Variants in SPAG16 observed in about 807,000 individuals in gnomAD.
SPAG16 encodes sperm associated antigen 16.
A neutral mutation model predicts 80.4 loss-of-function variants in SPAG16; 86 were observed. That is an observed-to-expected ratio of 1.07 (90% CI 0.90 to 1.28). The LOEUF (loss-of-function observed/expected upper bound fraction) is 1.28, where lower values mean the gene tolerates loss of function less well. Ranked by LOEUF, SPAG16 falls within the 50% of genes most tolerant of loss-of-function variation. The probability of loss-of-function intolerance (pLI) is 0.00; values close to 1 mark genes in which losing one functional copy is unlikely to be tolerated. For missense variants in SPAG16, 870 were observed against 765.3 expected, an observed-to-expected ratio of 1.14 and a Z score of -1.61; for synonymous variants, 294 against 265.9, an observed-to-expected ratio of 1.11 and a Z score of -1.03.
chr2:214,272,365 A>T (rs973701665), intron 15 of SPAG16, among the ~76,000 whole-genome samples: 2 of 152,220 alleles, frequency 1.3e-5, no homozygotes, highest in South Asian at 4.1e-4. Context: ...TTACATAGGT[A>T]TACATGTGCC....
chr2:214,023,770 T>C (rs1416090850), intron 13 of SPAG16, among the ~76,000 whole-genome samples: 1 of 151,744 alleles, frequency 6.6e-6, no homozygotes, highest in Non-Finnish European at 1.5e-5. Context: ...ATATCATTCC[T>C]TTCTTCTTTT....
intron 14 of SPAG16, among the ~76,000 whole-genome samples, chr2:214,134,796 G>T (rs1323291113): frequency 6.6e-6 from 1 of 152,098 alleles, no homozygotes; most frequent in African/African-American, 2.4e-5. Flanking sequence ...AAACACATAA[G>T]AACTTTTTTT....
At chr2:213,673,445 G>A (rs776410325) in intron 10 of SPAG16, among the ~76,000 whole-genome samples, 1 of 152,066 alleles carries the variant, frequency 6.6e-6, no homozygotes. Context: ...ATAATAGAGT[G>A]GAAAGATTCA....
intron 10 of SPAG16, among the ~76,000 whole-genome samples, chr2:213,525,284 CTTT>C (rs71060436): frequency 1.4e-4 from 14 of 100,314 alleles, no homozygotes; most frequent in African/African-American, 3.1e-4. Context: ...TTTTCCTTTT[CTTT>C]TTTTTTTTTT....
In SPAG16 at chr2:213,463,684, A is replaced by G. The variant is rs149459193; in HGVS notation, c.943-26279A>G. On this transcript the variant is annotated intron_variant, in intron 9 of 15. Coordinates refer to ENST00000331683, the MANE Select transcript of SPAG16 (RefSeq NM_024532.5). ...CCTCTGCCTAGATTTCAGAGGATGTATGGAAATGCCTGGATGTCCAGGCAG... is the reference window on the plus strand; with the variant it reads ...CCTCTGCCTAGATTTCAGAGGATGTGTGGAAATGCCTGGATGTCCAGGCAG... 8.8e-3 allele frequency among the ~76,000 whole-genome samples: 1,340 copies of G among 152,362 alleles called. 15 individuals are homozygous for G. Among genetic ancestry groups the G allele is most frequent in the African/African-American group, 0.03 (1,232 of 41,592 alleles).
At chr2:213,799,473 C>T (rs2071246764) in intron 10 of SPAG16, among the ~76,000 whole-genome samples, 1 of 151,922 alleles carries the variant, frequency 6.6e-6, no homozygotes, top group Admixed American at 6.6e-5. Flanking sequence ...AAAAGCCCAC[C>T]CTAAATACAT....
intron 7 of SPAG16, among the ~76,000 whole-genome samples, chr2:213,357,302 G>C (rs1295519374): frequency 6.6e-6 from 1 of 152,086 alleles, no homozygotes; most frequent in Admixed American, 6.5e-5. Context: ...TTGAAGTCCT[G>C]GATATCCTTG....
At chr2:214,123,462 A>G (rs1348178702) in intron 14 of SPAG16, among the ~76,000 whole-genome samples, 3 of 152,090 alleles carry the variant, frequency 2.0e-5, no homozygotes, top group African/African-American at 7.2e-5. Context: ...CTTTTGGCAT[A>G]TATGAAAACA....
At chr2:213,818,556 A>G (rs576704466) in intron 10 of SPAG16, among the ~76,000 whole-genome samples, 61 of 152,312 alleles carry the variant, frequency 4.0e-4, no homozygotes, top group Admixed American at 1.3e-3. Context: ...CCCTTTTTTT[A>G]CTACTCATCT....
chr2:214,406,210 T>G (rs1449314070), intron 15 of SPAG16, among the ~76,000 whole-genome samples: 1 of 152,204 alleles, frequency 6.6e-6, no homozygotes, highest in Non-Finnish European at 1.5e-5. Context: ...TAACTCCTGG[T>G]TATTCTAGGT....
intron 10 of SPAG16, among the ~76,000 whole-genome samples, chr2:213,566,821 A>G (rs1170994236): frequency 6.6e-6 from 1 of 152,218 alleles, no homozygotes; most frequent in East Asian, 1.9e-4. Context: ...TTCCTGATTT[A>G]GTTGCCAGAT....
rs113662230 is a variant in SPAG16, at chr2:213,599,373, C to A, written c.1070+109283C>A. On this transcript the variant is annotated intron_variant, in intron 10 of 15. Coordinates refer to ENST00000331683, the MANE Select transcript of SPAG16 (RefSeq NM_024532.5). ...TGAAAAAACATGGCATTAAACTGCGCAGGTCCACTTATACTTGGACCTTCT... is the reference window on the plus strand; with the variant it reads ...TGAAAAAACATGGCATTAAACTGCGAAGGTCCACTTATACTTGGACCTTCT... Among the ~76,000 whole-genome samples the A allele has an allele frequency of 1.6e-3, 237 of 152,316 alleles. 3 individuals carry two copies. Among genetic ancestry groups the A allele is most frequent in the African/African-American group, 4.6e-3 (193 of 41,564 alleles).
chr2:213,439,682 A>G (rs2070826542), intron 9 of SPAG16, among the ~76,000 whole-genome samples: 1 of 152,242 alleles, frequency 6.6e-6, no homozygotes, highest in African/African-American at 2.4e-5. Context: ...CATGGTTTTG[A>G]AAATCCTAAG....
intron 12 of SPAG16, among the ~76,000 whole-genome samples, chr2:213,980,274 A>C (rs1431884818): frequency 3.4e-4 from 19 of 56,550 alleles, no homozygotes; most frequent in East Asian, 1.0e-3. Context: ...TATATTCTCT[A>C]TATATATAGA....
chr2:213,915,376 G>A (rs1051946353), intron 11 of SPAG16, among the ~76,000 whole-genome samples: 9 of 151,884 alleles, frequency 5.9e-5, no homozygotes, highest in Admixed American at 3.3e-4. Context: ...GAGAACATGC[G>A]GTGTTTGGTT....
At chr2:213,827,514 G>A (rs1161453971) in intron 10 of SPAG16, among the ~76,000 whole-genome samples, 2 of 151,980 alleles carry the variant, frequency 1.3e-5, no homozygotes, top group Non-Finnish European at 2.9e-5. Flanking sequence ...TTTTTGATTA[G>A]TTCATTTTTC....
chr2:213,773,181 G>A (rs1435703371), intron 10 of SPAG16, among the ~76,000 whole-genome samples: 3 of 151,568 alleles, frequency 2.0e-5, no homozygotes, highest in Non-Finnish European at 4.4e-5. Context: ...TTTTAATGAT[G>A]GACATCATGT....
chr2:214,155,969 T>G (rs1314867362), intron 15 of SPAG16, among the ~76,000 whole-genome samples: 16 of 152,094 alleles, frequency 1.1e-4, no homozygotes, highest in Admixed American at 1.0e-3. Flanking sequence ...AATCTGTAAG[T>G]TTATGTTATT....
chr2:213,672,464 A>G (rs151280849), intron 10 of SPAG16, among the ~76,000 whole-genome samples: 1 of 152,100 alleles, frequency 6.6e-6, no homozygotes, highest in South Asian at 2.1e-4. Flanking sequence ...TTTTAAAAGG[A>G]AGAACCTCTG....
Sources: gnomAD v4.1 joint callset for allele counts (sites outside exome capture counted in the v4.1 genomes callset) on GRCh38, gnomAD v4.1.1 for gene constraint, MANE v1.5 for transcripts, NCBI Gene and HGNC (gene_info 2026-07-23, HGNC 2026-07-21) for gene names.